The following RHAG variants were observed in gnomAD, a reference collection of about 807,000 sequenced individuals.
The protein encoded by RHAG is ammonium transporter Rh type A.
RHAG carries 25 observed loss-of-function variants against 42.4 expected under a neutral mutation model. The ratio of observed to expected loss-of-function variants is 0.59; its 90% CI spans 0.43 to 0.82. The LOEUF (loss-of-function observed/expected upper bound fraction) is 0.82. Ranked by LOEUF, RHAG falls within the 40% of genes least tolerant of loss-of-function variation. The pLI, the probability that RHAG is intolerant of heterozygous loss-of-function variation, is 0.00. For missense variants in RHAG, 483 were observed against 504.6 expected (o/e 0.96, Z 0.41); for synonymous variants, 182 against 177.7 (o/e 1.02, Z -0.19).
At chr6:49,611,591 T>G (rs1581937954) in intron 6 of RHAG, among the ~76,000 whole-genome samples, 1 of 152,184 alleles carries the variant, frequency 6.6e-6, no homozygotes, top group African/African-American at 2.4e-5. Flanking sequence ...AGCACAGTTC[T>G]CCATCCATAT....
chr6:49,613,772 A>G (rs1402529240), intron 5 of RHAG, among the ~76,000 whole-genome samples: 1 of 152,328 alleles, frequency 6.6e-6, no homozygotes, highest in East Asian at 1.9e-4. Context: ...ATGCTACAGA[A>G]TGTTTCCATA....
At chr6:49,617,273 C>G (rs1221153214) in intron 3 of RHAG, among the ~76,000 whole-genome samples, 1 of 152,166 alleles carries the variant, frequency 6.6e-6, no homozygotes, top group Non-Finnish European at 1.5e-5. Context: ...CTCAGGGAAC[C>G]CCTCCTTGAT....
intron 5 of RHAG, among the ~76,000 whole-genome samples, chr6:49,614,112 C>G (rs1262860960): frequency 6.6e-6 from 1 of 152,086 alleles, no homozygotes; most frequent in Non-Finnish European, 1.5e-5. Flanking sequence ...AAGATTTTTA[C>G]AAGACTACCT....
At chr6:49,607,279 T>C (rs1762490111) in intron 7 of RHAG, 59 bp from the exon 8 acceptor site, 12 of 1,383,890 alleles carry the variant, frequency 8.7e-6, no homozygotes, top group Non-Finnish European at 1.1e-5. Flanking sequence ...AAAGAAAGTC[T>C]CACTCACTGA....
chr6:49,631,454 G>T (rs1762935289), intron 1 of RHAG, among the ~76,000 whole-genome samples: 2 of 151,830 alleles, frequency 1.3e-5, no homozygotes, highest in Non-Finnish European at 1.5e-5. Flanking sequence ...ATTTCTATGG[G>T]CTTATTGAAT....
In RHAG at chr6:49,605,400, C is replaced by A. The variant is rs1292248993; in HGVS notation, c.*413G>T. 5 of 217,590 alleles carry A rather than the reference C, an allele frequency of 2.3e-5. No individual in the cohort carries two copies. The highest frequency in any genetic ancestry group is 1.1e-4 in the African/African-American group (5 of 43,694). The allele number at this position is 217,590 out of a possible 1,614,324, so 13.5% of individuals were successfully genotyped here. A position where few individuals can be genotyped will look rare whatever the true frequency, so the allele number is the denominator to read the frequency against. On this transcript the variant is annotated 3_prime_UTR_variant, in exon 10 of 10. Transcript: ENST00000371175. ...ATGCATTTCTTTAATTATTTTTTTACATAGATTTCTCACATCTATTCTTGC... is the reference window on the plus strand; with the variant it reads ...ATGCATTTCTTTAATTATTTTTTTAAATAGATTTCTCACATCTATTCTTGC...
At position 49,627,711 on chromosome 6, in the gene RHAG, G is replaced by A. The variant is rs993911824; in HGVS notation, c.158-8349C>T. ...ACATGGCTGGGGAGGCCTCACAATC[G>A]TGGTGGAAGGCGAATGAGGAGCAAA... On this transcript the variant is annotated intron_variant, in intron 1 of 9. Coordinates refer to ENST00000371175, the MANE Select transcript of RHAG (RefSeq NM_000324.3). Among the ~76,000 whole-genome samples, 16 of 152,234 alleles carry A rather than the reference G, an allele frequency of 1.1e-4. 1 individual carries two copies. Among genetic ancestry groups the A allele is most frequent in the Admixed American group, 5.2e-4 (8 of 15,298 alleles).
chr6:49,612,823 G>C (rs1245410986), intron 5 of RHAG, among the ~76,000 whole-genome samples: 1 of 152,076 alleles, frequency 6.6e-6, no homozygotes, highest in Non-Finnish European at 1.5e-5. Flanking sequence ...GTAGTGGGAG[G>C]GTAGGAGTGT....
At chr6:49,624,697 G>A (rs1159392573) in intron 1 of RHAG, among the ~76,000 whole-genome samples, 2 of 152,254 alleles carry the variant, frequency 1.3e-5, no homozygotes, top group Non-Finnish European at 2.9e-5. Flanking sequence ...ACCTCCTCAT[G>A]TCTCCAGTAT....
rs1245190823 is a variant in RHAG at position 49,636,635 on chromosome 6, AG to A, written c.157+20del. 3 of 1,613,180 alleles carry A rather than the reference AG, an allele frequency of 1.9e-6. No homozygotes were observed. The African/African-American group carries it at 4.0e-5, about 22-fold the overall frequency. The stretch of plus-strand genomic sequence containing the variant: ...CCGAAGAACCGAAAAATGTATAGTA[AG>A]TAGTAAATTGCCTACTCACGAGGAT... On this transcript the variant is annotated intron_variant, in intron 1 of 9. Coordinates refer to ENST00000371175, the MANE Select transcript of RHAG (RefSeq NM_000324.3).
At position 49,616,783 on chromosome 6, in the gene RHAG, G is replaced by A. The variant is rs896197120; in HGVS notation, c.493-1012C>T. On this transcript the variant is annotated intron_variant, in intron 3 of 9. Coordinates refer to ENST00000371175, the MANE Select transcript of RHAG (RefSeq NM_000324.3). ...TTGAAGATCCACACTTGGTTGTAAT[G>A]AGTCAAATATCTTCCCAGCATATAT... Among the ~76,000 whole-genome samples, 2 of 152,324 alleles carry A rather than the reference G, an allele frequency of 1.3e-5. 1 individual carries two copies. The highest frequency in any genetic ancestry group is 4.1e-4 in the South Asian group (2 of 4,828).
chr6:49,626,208 T>A (rs901541487), intron 1 of RHAG, among the ~76,000 whole-genome samples: 4 of 152,128 alleles, frequency 2.6e-5, no homozygotes, highest in Non-Finnish European at 5.9e-5. Flanking sequence ...AACTCAAAAG[T>A]CCACAGTTTC....
At chr6:49,622,503 C>G (rs1026580572) in intron 1 of RHAG, among the ~76,000 whole-genome samples, 2 of 152,126 alleles carry the variant, frequency 1.3e-5, no homozygotes, top group Non-Finnish European at 2.9e-5. Context: ...GCCACCGCGC[C>G]TGGCAATCTG....
At position 49,636,788 on chromosome 6, in the gene RHAG, C is replaced by G; in HGVS notation, c.25G>C (p.Ala9Pro). The G allele has an allele frequency of 6.2e-7, 1 of 1,613,814 alleles. No homozygotes were observed. The highest frequency in any genetic ancestry group is 8.5e-7 in the Non-Finnish European group (1 of 1,179,758). Reference sequence around the variant, plus strand: ...ATCATGGCAATTTCCAGGACTATAGCCATGAGAGGGAATGTGAACCTCATG... The same window carrying G: ...ATCATGGCAATTTCCAGGACTATAGGCATGAGAGGGAATGTGAACCTCATG... MRFTFPLM[A>P]IVLEIAMIVL... The change falls in exon 1 of 10, where the codon GCT (alanine) becomes CCT (proline). Residue 9 changes from alanine to proline, a missense_variant. Transcript: ENST00000371175.
At chr6:49,626,393 C>T (rs1296311757) in intron 1 of RHAG, among the ~76,000 whole-genome samples, 1 of 152,210 alleles carries the variant, frequency 6.6e-6, no homozygotes, top group Non-Finnish European at 1.5e-5. Context: ...ATCCAATGGG[C>T]AGTCCTTAAA....
intron 1 of RHAG, among the ~76,000 whole-genome samples, chr6:49,635,748 C>G (rs1169846430): frequency 4.0e-5 from 6 of 151,694 alleles, no homozygotes; most frequent in African/African-American, 1.2e-4. Flanking sequence ...TTAATTCCCT[C>G]AAAAAATGTT....
At chr6:49,616,824 C>A (rs1762664696) in intron 3 of RHAG, among the ~76,000 whole-genome samples, 1 of 152,152 alleles carries the variant, frequency 6.6e-6, no homozygotes, top group Admixed American at 6.5e-5. Flanking sequence ...ATCTAGCAAC[C>A]TTTAGCCTCC....
At position 49,611,088 on chromosome 6, in the gene RHAG, C is replaced by T. The variant is rs976240588; in HGVS notation, c.1003G>A (p.Gly335Ser). ...HDTCGVHNLHGLPGVVGGLAG... is the reference protein window; with the variant it reads ...HDTCGVHNLHSLPGVVGGLAG... Reference sequence around the variant, plus strand: ...AGGCCTCCCACTACACCAGGTAAGCCGTGGAGGTTATGGACCCCACATGTA... The same window carrying T: ...AGGCCTCCCACTACACCAGGTAAGCTGTGGAGGTTATGGACCCCACATGTA... Residue 335 changes from glycine (G) to serine (S), a missense_variant, in exon 7 of 10, where the codon GGC (glycine) becomes AGC (serine). Gly to Ser is a moderately conservative substitution (Grantham distance 56). Coordinates refer to ENST00000371175, the MANE Select transcript of RHAG (RefSeq NM_000324.3). 9 of 1,613,720 alleles carry T rather than the reference C, an allele frequency of 5.6e-6. No individual in the cohort carries two copies. The highest frequency in any genetic ancestry group is 6.8e-6 in the Non-Finnish European group (8 of 1,179,882).
At chr6:49,619,445 T>C (rs1762716382) in intron 1 of RHAG, 83 bp from the exon 2 acceptor site, 1 of 1,231,756 alleles carries the variant, frequency 8.1e-7, no homozygotes, top group Admixed American at 2.0e-5. Context: ...ACTTATTAAG[T>C]GCTACCACCT....
Sources: gnomAD v4.1 joint callset for allele counts (sites outside exome capture counted in the v4.1 genomes callset) on GRCh38, gnomAD v4.1.1 for gene constraint, MANE v1.5 for transcripts, NCBI Gene and HGNC (gene_info 2026-07-23, HGNC 2026-07-21) for gene names.